DCLK1: variants seen among roughly 807,000 people sequenced by gnomAD.
DCLK1 encodes the protein doublecortin like kinase 1.
Under a neutral mutation model 86.2 loss-of-function variants are expected in DCLK1, and 16 were observed. That is an observed-to-expected ratio of 0.19 (90% CI 0.13 to 0.28). DCLK1 has a LOEUF of 0.28. DCLK1 is among the 10% of genes least tolerant of loss of function. DCLK1 has a pLI of 1.00. For synonymous variants in DCLK1, 369 were observed against 370.5 expected, an observed-to-expected ratio of 1.00 and a Z score of 0.05; for missense variants, 590 against 940.2, an observed-to-expected ratio of 0.63 and a Z score of 4.87.
chr13:36,077,023 A>AGAG (rs559869854), intron 3 of DCLK1, among the ~76,000 whole-genome samples: 1 of 152,180 alleles, frequency 6.6e-6, no homozygotes, highest in Non-Finnish European at 1.5e-5. Context: ...GAGGAGAAAG[A>AGAG]GAGGAGGAGG....
chr13:35,834,325 G>T (rs1869193554), intron 8 of DCLK1, among the ~76,000 whole-genome samples: 2 of 152,028 alleles, frequency 1.3e-5, no homozygotes, highest in South Asian at 4.2e-4. Context: ...ATTTGTACAG[G>T]GCCAAAGGGA....
At chr13:36,113,914 T>C (rs1025169582) in intron 2 of DCLK1, among the ~76,000 whole-genome samples, 1 of 152,192 alleles carries the variant, frequency 6.6e-6, no homozygotes, top group African/African-American at 2.4e-5. Flanking sequence ...GGACACCACG[T>C]TGGGTCCATG....
At chr13:35,793,204 A>AAT (rs2086739637) in intron 16 of DCLK1, among the ~76,000 whole-genome samples, 162 bp downstream of exon 16, 1 of 152,162 alleles carries the variant, frequency 6.6e-6, no homozygotes, top group Admixed American at 6.5e-5. Flanking sequence ...AGAAACACAT[A>AAT]ATATATATAA....
At chr13:36,117,129 T>G (rs989826752) in intron 2 of DCLK1, among the ~76,000 whole-genome samples, 1 of 151,872 alleles carries the variant, frequency 6.6e-6, no homozygotes. Flanking sequence ...CATGTCACCT[T>G]CTCAAATCCA....
chr13:35,904,779 G>A (rs961773068), intron 4 of DCLK1, among the ~76,000 whole-genome samples: 2 of 152,164 alleles, frequency 1.3e-5, no homozygotes, highest in African/African-American at 2.4e-5. Flanking sequence ...TGCTTTGCTC[G>A]GGCACGGACA....
At chr13:35,928,352 C>G (rs892674182) in intron 4 of DCLK1, among the ~76,000 whole-genome samples, 2 of 152,290 alleles carry the variant, frequency 1.3e-5, no homozygotes, top group Admixed American at 1.3e-4. Flanking sequence ...CAGGCACCCT[C>G]TCACCTCAGG....
intron 3 of DCLK1, among the ~76,000 whole-genome samples, chr13:35,982,756 A>G (rs1879722110): frequency 6.6e-6 from 1 of 151,338 alleles, no homozygotes. Context: ...ATTAGTGTGA[A>G]TTGCTTTTTT....
At chr13:36,112,261 AT>A in intron 2 of DCLK1, 46 bp from the exon 3 acceptor site, 3 of 1,390,994 alleles carry the variant, frequency 2.2e-6, no homozygotes, top group Non-Finnish European at 2.9e-6. Context: ...AAATATGCCC[AT>A]TTCTTTTTTC....
chr13:36,068,134 C>T (rs1227451243), intron 3 of DCLK1, among the ~76,000 whole-genome samples: 1 of 152,162 alleles, frequency 6.6e-6, no homozygotes, highest in Non-Finnish European at 1.5e-5. Flanking sequence ...ATTGTGATTC[C>T]TGAAAATTTA....
At chr13:36,085,336 A>G (rs1884553708) in intron 3 of DCLK1, among the ~76,000 whole-genome samples, 1 of 152,148 alleles carries the variant, frequency 6.6e-6, no homozygotes, top group Admixed American at 6.6e-5. Context: ...ATCTCCTATC[A>G]GTTTATTGTG....
intron 3 of DCLK1, among the ~76,000 whole-genome samples, chr13:36,028,313 T>C (rs1280288367): frequency 5.9e-5 from 9 of 152,178 alleles, no homozygotes; most frequent in Admixed American, 3.9e-4. Context: ...AGAGATTCTG[T>C]TATGATTTTC....
intron 13 of DCLK1, 129 bp downstream of exon 13, chr13:35,808,889 C>T: frequency 1.7e-6 from 1 of 598,036 alleles, no homozygotes; most frequent in Non-Finnish European, 2.7e-6. Flanking sequence ...GAAAAAATAA[C>T]AGGGATTGCA....
chr13:35,901,319 T>C lies in DCLK1; in HGVS notation c.824-29979A>G, dbSNP rs372919762. Among the ~76,000 whole-genome samples, 115 of 151,666 alleles carry C rather than the reference T, an allele frequency of 7.6e-4. 1 individual carries two copies. In the South Asian group the frequency reaches 0.023, roughly 31 times the overall value. On this transcript the variant is annotated intron_variant, in intron 4 of 16. Coordinates refer to ENST00000360631, the MANE Select transcript of DCLK1 (RefSeq NM_001330071.2). ...CTGGCCAACATGGTGAAATCCAATC[T>C]CTACTAAAAATACAAAAAAAATTAG...
intron 3 of DCLK1, among the ~76,000 whole-genome samples, chr13:35,994,818 T>G (rs529941542): frequency 6.6e-6 from 1 of 152,308 alleles, no homozygotes; most frequent in East Asian, 1.9e-4. Context: ...AGCAATTGCA[T>G]CATTAAGCAA....
chr13:36,085,508 C>T (rs1039139506), intron 3 of DCLK1, among the ~76,000 whole-genome samples: 2 of 152,140 alleles, frequency 1.3e-5, no homozygotes, highest in Non-Finnish European at 2.9e-5. Context: ...CCACTGTCCC[C>T]AAAGACAAAA....
At chr13:36,110,108 T>C (rs1041888174) in intron 3 of DCLK1, among the ~76,000 whole-genome samples, 2 of 152,140 alleles carry the variant, frequency 1.3e-5, no homozygotes, top group African/African-American at 4.8e-5. Flanking sequence ...TTTGAATAGG[T>C]AAATATTTAT....
intron 3 of DCLK1, among the ~76,000 whole-genome samples, chr13:35,972,188 G>A (rs1209132290): frequency 6.6e-6 from 1 of 151,854 alleles, no homozygotes; most frequent in South Asian, 2.1e-4. Context: ...TTCCTCTGAG[G>A]TCCTTTCTGT....
In DCLK1 at chr13:35,781,904, C is replaced by T. The variant is rs1400973747; in HGVS notation, c.2059-7205G>A. Among the ~76,000 whole-genome samples the T allele has an allele frequency of 2.6e-5, 4 of 152,084 alleles. No homozygotes were observed. The East Asian group carries it at 7.7e-4, about 29-fold the overall frequency. ...AAACTGACAAATCGATTGAAATATC[C>T]ACCCTCCTCATTTTATTGGGCTTAC... On this transcript the variant is annotated intron_variant, in intron 16 of 16. Coordinates refer to ENST00000360631, the MANE Select transcript of DCLK1 (RefSeq NM_001330071.2).
intron 3 of DCLK1, among the ~76,000 whole-genome samples, chr13:36,095,182 TTTTGTTTTTTTTG>T (rs1194072664): frequency 2.4e-5 from 3 of 122,616 alleles, no homozygotes; most frequent in Non-Finnish European, 1.7e-5. Flanking sequence ...TGTTTTTTTT[TTTTGTTTTTTTTG>T]TTTTGTTTTG....
Sources: allele counts gnomAD v4.1 joint callset (sites outside exome capture counted in the v4.1 genomes callset), GRCh38; gene constraint gnomAD v4.1.1; transcripts MANE v1.5; gene names NCBI Gene and HGNC (gene_info 2026-07-23, HGNC 2026-07-21).